The following LINGO2 variants were observed in gnomAD, a reference collection of about 807,000 sequenced individuals.
LINGO2 encodes leucine rich repeat and Ig domain containing 2.
A neutral mutation model predicts 30.6 loss-of-function variants in LINGO2; 14 were observed. The ratio of observed to expected loss-of-function variants is 0.46; its 90% CI spans 0.30 to 0.72. The LOEUF is 0.72. Among genes scored for constraint, LINGO2 ranks in the 30% least tolerant of loss-of-function variants. The pLI is 0.07. For missense variants in LINGO2, 729 were observed against 751.7 expected, an observed-to-expected ratio of 0.97 and a Z score of 0.35; for synonymous variants, 317 against 288.5, an observed-to-expected ratio of 1.10 and a Z score of -1.00.
At chr9:28,868,075 C>A in the LINGO2 span, among the ~76,000 whole-genome samples, 5 of 151,744 alleles carry the variant, frequency 3.3e-5, no homozygotes, top group African/African-American at 1.2e-4. Context: ...ACAAATCTTT[C>A]CTTTCTTACT....
At chr9:28,487,835 T>G (rs1209487676) in intron 1 of LINGO2, among the ~76,000 whole-genome samples, 2 of 152,142 alleles carry the variant, frequency 1.3e-5, no homozygotes, top group Non-Finnish European at 2.9e-5. Context: ...TATGGAATAT[T>G]TTTTCAGCTT....
the LINGO2 span, among the ~76,000 whole-genome samples, chr9:29,190,285 TATG>T: frequency 6.6e-6 from 1 of 152,254 alleles, no homozygotes; most frequent in South Asian, 2.1e-4. Flanking sequence ...GTACAAAATA[TATG>T]ATTATAATAA....
At chr9:28,552,499 TC>T (rs745429213) in intron 1 of LINGO2, among the ~76,000 whole-genome samples, 5 of 152,178 alleles carry the variant, frequency 3.3e-5, no homozygotes, top group South Asian at 2.1e-4. Context: ...CTTAAATATT[TC>T]CTTTCTTTGT....
chr9:29,186,497 G>A, the LINGO2 span, among the ~76,000 whole-genome samples: 1,028 of 151,962 alleles, frequency 6.8e-3, 15 homozygotes, highest in African/African-American at 0.024. Context: ...TATAACTAAT[G>A]TACAAAATGA....
intron 1 of LINGO2, among the ~76,000 whole-genome samples, chr9:28,585,533 A>C (rs996204949): frequency 3.3e-5 from 5 of 151,896 alleles, no homozygotes; most frequent in African/African-American, 7.2e-5. Flanking sequence ...TAAATTATAT[A>C]AGATATTCAA....
intron 1 of LINGO2, among the ~76,000 whole-genome samples, chr9:28,513,102 CACACACACACACA>C (rs1820479879): frequency 6.6e-6 from 1 of 151,052 alleles, no homozygotes; most frequent in African/African-American, 2.4e-5. Flanking sequence ...CACACACACA[CACACACACACACA>C]CACACACACA....
chr9:29,032,130 GA>G, the LINGO2 span, among the ~76,000 whole-genome samples: 1 of 152,208 alleles, frequency 6.6e-6, no homozygotes, highest in Admixed American at 6.5e-5. Flanking sequence ...TTTTTCTAAA[GA>G]AAAATGCATT....
At chr9:28,142,504 A>G (rs1827702268) in intron 4 of LINGO2, among the ~76,000 whole-genome samples, 1 of 152,168 alleles carries the variant, frequency 6.6e-6, no homozygotes, top group Admixed American at 6.5e-5. Context: ...GTCCATAGCA[A>G]AGGGTCTGGC....
chr9:29,116,846 T>A, the LINGO2 span, among the ~76,000 whole-genome samples: 2 of 152,200 alleles, frequency 1.3e-5, no homozygotes, highest in East Asian at 3.9e-4. Context: ...CATTAAAATC[T>A]CTACCTATTT....
At chr9:27,975,724 A>G (rs1354268396) in intron 5 of LINGO2, among the ~76,000 whole-genome samples, 1 of 152,128 alleles carries the variant, frequency 6.6e-6, no homozygotes, top group Non-Finnish European at 1.5e-5. Context: ...AAACACTGTT[A>G]TGTCTTATTT....
At position 28,112,014 on chromosome 9, in the gene LINGO2, G is replaced by A. The variant is rs912952676; in HGVS notation, c.-86-99609C>T. On this transcript the variant is annotated intron_variant, in intron 4 of 5. Transcript: ENST00000379992. ...ATGCTGGTGCGCTGCACCCACTAAT[G>A]TGTCATCTAGCATTAGGTATATCTC... 1.7e-3 allele frequency among the ~76,000 whole-genome samples: 215 copies of A among 129,528 alleles called. 1 individual carries two copies. The highest frequency in any genetic ancestry group is 6.1e-3 in the African/African-American group (211 of 34,532). 85.0% of individuals were successfully genotyped at this position (129,528 alleles called of 152,430 possible).
chr9:28,219,460 T>C (rs185057418), intron 4 of LINGO2, among the ~76,000 whole-genome samples: 29 of 152,280 alleles, frequency 1.9e-4, no homozygotes, highest in African/African-American at 6.7e-4. Context: ...CAAGTAAAAT[T>C]TCATATTATT....
intron 1 of LINGO2, among the ~76,000 whole-genome samples, chr9:28,595,008 C>T (rs1825107164): frequency 6.6e-6 from 1 of 152,080 alleles, no homozygotes; most frequent in African/African-American, 2.4e-5. Context: ...AGTAAATTCA[C>T]AGTCATTACC....
At chr9:28,234,204 C>A (rs2133947648) in intron 4 of LINGO2, among the ~76,000 whole-genome samples, 1 of 152,246 alleles carries the variant, frequency 6.6e-6, no homozygotes, top group Non-Finnish European at 1.5e-5. Context: ...AAGGAGCCCA[C>A]TGCCCTGAAG....
At chr9:28,619,450 T>C (rs1272773309) in intron 1 of LINGO2, among the ~76,000 whole-genome samples, 2 of 152,156 alleles carry the variant, frequency 1.3e-5, no homozygotes, top group Admixed American at 6.6e-5. Context: ...TCAATTTTCT[T>C]ACGCCACTTC....
At chr9:28,790,506 T>G in the LINGO2 span, among the ~76,000 whole-genome samples, 2 of 147,020 alleles carry the variant, frequency 1.4e-5, no homozygotes, top group African/African-American at 5.0e-5. Flanking sequence ...TTTTTTGTAT[T>G]TTTTTTTTTA....
chr9:27,964,010 G>A (rs1347898746), intron 5 of LINGO2, among the ~76,000 whole-genome samples: 4 of 152,048 alleles, frequency 2.6e-5, no homozygotes, highest in African/African-American at 9.7e-5. Flanking sequence ...TCCCAGACCT[G>A]GCAGGAAACA....
the LINGO2 span, among the ~76,000 whole-genome samples, chr9:29,169,092 C>T: frequency 2.8e-4 from 42 of 152,156 alleles, no homozygotes; most frequent in African/African-American, 9.6e-4. Flanking sequence ...GGATTACAGG[C>T]ATGCACCACC....
At chr9:28,479,811 C>A (rs529833161) in intron 1 of LINGO2, among the ~76,000 whole-genome samples, 1 of 145,974 alleles carries the variant, frequency 6.9e-6, no homozygotes, top group African/African-American at 2.5e-5. Flanking sequence ...AAGTACCATA[C>A]TGAAGAATGT....
Sources: gnomAD v4.1 joint callset for allele counts (sites outside exome capture counted in the v4.1 genomes callset) on GRCh38, gnomAD v4.1.1 for gene constraint, MANE v1.5 for transcripts, NCBI Gene and HGNC (gene_info 2026-07-23, HGNC 2026-07-21) for gene names.